Variants in PKD1L3 observed in about 807,000 individuals in gnomAD.
PKD1L3 encodes polycystin-1-like protein 3.
In PKD1L3, 239 loss-of-function variants were observed where a neutral mutation model predicts 184.1. The observed-to-expected ratio is 1.30, with a 90% CI of 1.17 to 1.45. PKD1L3 has a LOEUF of 1.45. PKD1L3 is among the 40% of genes most tolerant of loss of function. The pLI, the probability that PKD1L3 is intolerant of heterozygous loss-of-function variation, is 0.00. For synonymous variants in PKD1L3, 996 were observed against 778.8 expected, an observed-to-expected ratio of 1.28 and a Z score of -4.64; for missense variants, 2,660 against 2,067.2, an observed-to-expected ratio of 1.29 and a Z score of -5.56.
chr16:71,966,021 G>C (rs1181980778), intron 15 of PKD1L3, among the ~76,000 whole-genome samples: 1 of 151,936 alleles, frequency 6.6e-6, no homozygotes, highest in Non-Finnish European at 1.5e-5. Flanking sequence ...GTGCATACTG[G>C]AACAGAATGG....
chr16:72,000,149 C>G lies in PKD1L3; in HGVS notation c.-171G>C, dbSNP rs1042414553. ...AGGACCCAGGTGCAGGTCCTACAAG[C>G]TGAAAACAAATAGCAGAGATCAATA... On this transcript the variant is annotated 5_prime_UTR_variant, in exon 1 of 30. Transcript: ENST00000620267. Among the ~76,000 whole-genome samples, 2 of 152,180 alleles carry G rather than the reference C, an allele frequency of 1.3e-5. No individual in the cohort carries two copies. The highest frequency in any genetic ancestry group is 4.8e-5 in the African/African-American group (2 of 41,482).
intron 9 of PKD1L3, among the ~76,000 whole-genome samples, chr16:71,978,829 C>G (rs2040037664): frequency 6.6e-6 from 1 of 152,074 alleles, no homozygotes; most frequent in Admixed American, 6.6e-5. Context: ...CTTGAGCTAT[C>G]ATGCCCAGCC....
At chr16:71,935,640 A>T in intron 25 of PKD1L3, 122 bp from the exon 26 acceptor site, 1 of 908,230 alleles carries the variant, frequency 1.1e-6, no homozygotes, top group Non-Finnish European at 1.6e-6. Flanking sequence ...CATTTATCAG[A>T]TCTCACTTGG....
chr16:71,986,183 T>C (rs1248136736), intron 5 of PKD1L3, 38 bp downstream of exon 5: 2 of 1,546,198 alleles, frequency 1.3e-6, no homozygotes, highest in Non-Finnish European at 1.7e-6. Flanking sequence ...TTTTTGGGGG[T>C]CACAAAGCTA....
At chr16:71,971,320 A>G (rs1160048745) in intron 12 of PKD1L3, among the ~76,000 whole-genome samples, 4 of 152,250 alleles carry the variant, frequency 2.6e-5, no homozygotes, top group African/African-American at 7.2e-5. Context: ...ACATTTCTGC[A>G]TAATATTTAA....
intron 2 of PKD1L3, among the ~76,000 whole-genome samples, chr16:71,993,604 G>A (rs1438049539): frequency 6.6e-6 from 1 of 152,098 alleles, no homozygotes; most frequent in East Asian, 1.9e-4. Context: ...TGGAACACTA[G>A]GCATGTGGAG....
At chr16:71,930,598 C>T (rs1275241386) in intron 28 of PKD1L3, 1 of 153,166 alleles carries the variant, frequency 6.5e-6, no homozygotes, top group Non-Finnish European at 1.5e-5. Flanking sequence ...ACCCTAAACA[C>T]AGGAGCATTC....
intron 12 of PKD1L3, among the ~76,000 whole-genome samples, chr16:71,973,100 G>C (rs762214995): frequency 6.6e-6 from 1 of 152,204 alleles, no homozygotes; most frequent in Non-Finnish European, 1.5e-5. Flanking sequence ...CTGTGTTTGA[G>C]AAAGAAATCA....
Position 71,994,698 on chromosome 16 carries a change from G to C in PKD1L3, c.419-1366C>G, listed in dbSNP as rs555964030. On this transcript the variant is annotated intron_variant, in intron 2 of 29. Coordinates refer to ENST00000620267, the MANE Select transcript of PKD1L3 (RefSeq NM_181536.2). ...CTCTTTTTCCCTACATTTAGGGATT[G>C]CTTTTTACAATGTTAACAGGCTGGG... 2.0e-5 allele frequency among the ~76,000 whole-genome samples: 3 copies of C among 152,128 alleles called. No individual in the cohort carries two copies. The South Asian group carries it at 6.2e-4, about 32-fold the overall frequency.
chr16:71,976,701 T>G (rs1032511763), intron 11 of PKD1L3, among the ~76,000 whole-genome samples: 3 of 152,226 alleles, frequency 2.0e-5, no homozygotes, highest in Non-Finnish European at 4.4e-5. Flanking sequence ...GGAAGATTGC[T>G]TGAAGCTGGG....
intron 28 of PKD1L3, 185 bp from the exon 29 acceptor site, chr16:71,930,368 C>A: frequency 2.0e-6 from 1 of 489,696 alleles, no homozygotes. Flanking sequence ...AGGAATGACT[C>A]ATTTTAAGGA....
chr16:71,981,987 C>G, intron 7 of PKD1L3, 72 bp downstream of exon 7: 1 of 1,366,144 alleles, frequency 7.3e-7, no homozygotes, highest in Non-Finnish European at 9.8e-7. Flanking sequence ...TGGGGAGAGG[C>G]TGTGATACCT....
chr16:71,959,971 A>G (rs147571509), intron 16 of PKD1L3, among the ~76,000 whole-genome samples: 14 of 152,198 alleles, frequency 9.2e-5, no homozygotes, highest in African/African-American at 3.1e-4. Context: ...TAGTTTTAAA[A>G]TTAGCCAGGC....
At chr16:71,956,594 G>C (rs1567512371) in intron 16 of PKD1L3, among the ~76,000 whole-genome samples, 2 of 152,138 alleles carry the variant, frequency 1.3e-5, no homozygotes, top group Non-Finnish European at 2.9e-5. Context: ...ATACTGTATG[G>C]TTCTGCTTAC....
intron 12 of PKD1L3, among the ~76,000 whole-genome samples, chr16:71,971,166 G>C (rs2143628626): frequency 6.6e-6 from 1 of 152,330 alleles, no homozygotes; most frequent in African/African-American, 2.4e-5. Flanking sequence ...AGAGAGACTA[G>C]AGAGGGATAC....
intron 7 of PKD1L3, 136 bp downstream of exon 7, chr16:71,981,923 G>A (rs1301292954): frequency 8.3e-6 from 8 of 962,560 alleles, no homozygotes; most frequent in Non-Finnish European, 1.2e-5. Context: ...GAGAAGGCAT[G>A]GCAGAGGAGT....
intron 12 of PKD1L3, 53 bp downstream of exon 12, chr16:71,973,271 C>A: frequency 6.6e-7 from 1 of 1,523,378 alleles, no homozygotes; most frequent in Non-Finnish European, 8.9e-7. Context: ...ATGCATTGGG[C>A]TTAACAGTAG....
intron 28 of PKD1L3, among the ~76,000 whole-genome samples, chr16:71,933,190 G>T (rs2038048591): frequency 6.6e-6 from 1 of 152,098 alleles, no homozygotes; most frequent in Non-Finnish European, 1.5e-5. Context: ...AAGGACACAA[G>T]AAGTGAGGAA....
At chr16:71,937,048 C>CCAT (rs1035736881) in intron 25 of PKD1L3, among the ~76,000 whole-genome samples, 6 of 152,002 alleles carry the variant, frequency 3.9e-5, no homozygotes, top group East Asian at 1.9e-4. Flanking sequence ...ACATCTAACA[C>CCAT]CATCATCATC....
Sources: gnomAD v4.1 joint callset for allele counts (sites outside exome capture counted in the v4.1 genomes callset) on GRCh38, gnomAD v4.1.1 for gene constraint, MANE v1.5 for transcripts, NCBI Gene and HGNC (gene_info 2026-07-23, HGNC 2026-07-21) for gene names.